TDRD7: variants seen among roughly 807,000 people sequenced by gnomAD.
The protein encoded by TDRD7 is tudor domain-containing protein 7.
TDRD7 carries 47 observed loss-of-function variants against 109.8 expected under a neutral mutation model. The ratio of observed to expected loss-of-function variants is 0.43; its 90% CI spans 0.34 to 0.55. The LOEUF (loss-of-function observed/expected upper bound fraction) is 0.55. Among genes scored for constraint, TDRD7 ranks in the 20% least tolerant of loss-of-function variants. The pLI, the probability that TDRD7 is intolerant of heterozygous loss-of-function variation, is 0.03. For missense variants in TDRD7, 1,164 were observed against 1,319.2 expected (o/e 0.88, Z 1.82); for synonymous variants, 424 against 457.3 (o/e 0.93, Z 0.93).
At chr9:97,466,333 T>C (rs906788824) in intron 8 of TDRD7, among the ~76,000 whole-genome samples, 12 of 152,358 alleles carry the variant, frequency 7.9e-5, no homozygotes, top group Admixed American at 6.5e-4. Flanking sequence ...CTTTCCCATT[T>C]GCAGAGGCAT....
At chr9:97,436,271 C>T (rs189387767) in intron 4 of TDRD7, among the ~76,000 whole-genome samples, 103 of 152,178 alleles carry the variant, frequency 6.8e-4, no homozygotes, top group African/African-American at 2.3e-3. Context: ...TATTGGGCAT[C>T]TGTTTTTTGC....
chr9:97,483,005 G>C lies in TDRD7; in HGVS notation c.2569G>C (p.Ala857Pro), dbSNP rs1296370054. The C allele has an allele frequency of 1.2e-6, 2 of 1,614,210 alleles. No homozygotes were observed. Among genetic ancestry groups the C allele is most frequent in the South Asian group, 2.2e-5 (2 of 91,084 alleles). ...GTTTTTGAGTGCCATATCCAGTGGA[G>C]CTGACTCTCCCAACAGCAAAAATGG... ...DVFLSAISSG[A>P]DSPNSKNGNM... The change falls in exon 15 of 17, where the codon GCT becomes CCT. Residue 857 changes from alanine (A) to proline (P), a missense_variant. Physicochemically the swap from Ala to Pro is conservative, Grantham distance 27 (BLOSUM62 -1). This residue lies in a region of TDRD7 where 233 missense variants were observed against 218.0 expected (regional missense o/e 1.07). Coordinates refer to ENST00000355295, the MANE Select transcript of TDRD7 (RefSeq NM_014290.3).
intron 1 of TDRD7, among the ~76,000 whole-genome samples, chr9:97,427,906 T>C (rs1444941418): frequency 6.6e-6 from 1 of 152,190 alleles, no homozygotes; most frequent in Non-Finnish European, 1.5e-5. Context: ...TTTTTTCCCC[T>C]ATTTAAAATA....
Position 97,460,526 on chromosome 9 carries a change from C to A in TDRD7, c.1204C>A (p.Leu402Ile), listed in dbSNP as rs780574930. ...TTCTGGAAATCCCCAGAAGGCCATT[C>A]TCTATGCTAAACTTCCATTGCCCAC... ...YISGNPQKAI[L>I]YAKLPLPTDK... The change falls in exon 7 of 17, where the codon CTC becomes ATC. Residue 402 changes from leucine to isoleucine, a missense_variant. This residue lies in a region of TDRD7 where 407 missense variants were observed against 394.0 expected (regional missense o/e 1.03). Coordinates refer to ENST00000355295, the MANE Select transcript of TDRD7 (RefSeq NM_014290.3). The A allele has an allele frequency of 3.1e-6, 5 of 1,614,092 alleles. No individual in the cohort carries two copies. In the African/African-American group the frequency reaches 5.3e-5, roughly 17 times the overall value.
chr9:97,493,133 C>G (rs1050506562), intron 16 of TDRD7, among the ~76,000 whole-genome samples: 8 of 152,100 alleles, frequency 5.3e-5, no homozygotes, highest in African/African-American at 1.9e-4. Context: ...TGGGATTACC[C>G]CTTACTCGCT....
chr9:97,418,512 G>A (rs975035062), intron 1 of TDRD7, among the ~76,000 whole-genome samples: 1 of 151,958 alleles, frequency 6.6e-6, no homozygotes, highest in African/African-American at 2.4e-5. Flanking sequence ...GGGGACAAGA[G>A]GAAGACTCTA....
At chr9:97,417,627 A>G (rs1827832020) in intron 1 of TDRD7, among the ~76,000 whole-genome samples, 1 of 152,234 alleles carries the variant, frequency 6.6e-6, no homozygotes, top group South Asian at 2.1e-4. Flanking sequence ...AATGAGATCC[A>G]GGAGAAGGGG....
intron 7 of TDRD7, among the ~76,000 whole-genome samples, chr9:97,463,047 T>A (rs569271814): frequency 6.6e-6 from 1 of 152,372 alleles, no homozygotes; most frequent in African/African-American, 2.4e-5. Context: ...GTTGCAGACC[T>A]TCTGGAGGAC....
chr9:97,489,863 TAC>T (rs780398041), intron 16 of TDRD7, among the ~76,000 whole-genome samples: 5 of 152,196 alleles, frequency 3.3e-5, no homozygotes, highest in East Asian at 1.9e-4. Context: ...GTTTGCTATA[TAC>T]AGTTAGAACT....
At chr9:97,415,213 G>C (rs1827792453) in intron 1 of TDRD7, among the ~76,000 whole-genome samples, 1 of 152,152 alleles carries the variant, frequency 6.6e-6, no homozygotes, top group Non-Finnish European at 1.5e-5. Flanking sequence ...AATGTAGTAA[G>C]GAAGATGAGC....
Position 97,441,800 on chromosome 9 carries a change from T to A in TDRD7, c.780T>A (p.Phe260Leu), listed in dbSNP as rs557863949. The change falls in exon 6 of 17, where the codon TTT (phenylalanine) becomes TTA (leucine). Residue 260 changes from phenylalanine to leucine, a missense_variant. This residue lies in a region of TDRD7 where 407 missense variants were observed against 394.0 expected (regional missense o/e 1.03). Coordinates refer to ENST00000355295, the MANE Select transcript of TDRD7 (RefSeq NM_014290.3). ...TTTGGATATCTAAGCTTCCACATTT[T>A]TACAAAGAGTTATATAAAGAAGACC... ...NGIWISKLPH[F>L]YKELYKEDLN... 6.2e-7 allele frequency: 1 copy of A among 1,613,874 alleles called. No individual in the cohort carries two copies. The highest frequency in any genetic ancestry group is 1.7e-5 in the Admixed American group (1 of 60,014).
intron 6 of TDRD7, among the ~76,000 whole-genome samples, chr9:97,450,512 T>G (rs1265936608): frequency 6.6e-6 from 1 of 152,184 alleles, no homozygotes; most frequent in African/African-American, 2.4e-5. Context: ...TGGCTTGCCT[T>G]GGTCATTTGT....
rs560391751 is a variant in TDRD7, at chr9:97,419,073, C to T, written c.-7+6835C>T. ...TTTGAGTCGTTTACACTGGTCACAC[C>T]CAGATGGATATTTTCCCTGGATGTG... On this transcript the variant is annotated intron_variant, in intron 1 of 16. Coordinates refer to ENST00000355295, the MANE Select transcript of TDRD7 (RefSeq NM_014290.3). 2.0e-5 allele frequency among the ~76,000 whole-genome samples: 3 copies of T among 152,204 alleles called. No homozygotes were observed. The East Asian group carries it at 5.8e-4, about 29-fold the overall frequency.
At chr9:97,427,971 A>G (rs1432450575) in intron 1 of TDRD7, among the ~76,000 whole-genome samples, 2 of 152,290 alleles carry the variant, frequency 1.3e-5, no homozygotes, top group Admixed American at 6.5e-5. Flanking sequence ...ATAATATAGT[A>G]GTCTCAGGGT....
In TDRD7 at chr9:97,428,649, A is replaced by G. The variant is rs778192368; in HGVS notation, c.184A>G (p.Ile62Val). ...YLRSVPAVVR[I>V]ETSRSGEITC... ...GAGAAGTGTGCCAGCAGTGGTCAGGATAGAGACTAGTAGATCTGGAGAGGT... is the reference window on the plus strand; with the variant it reads ...GAGAAGTGTGCCAGCAGTGGTCAGGGTAGAGACTAGTAGATCTGGAGAGGT... The change falls in exon 2 of 17, where the codon ATA (isoleucine) becomes GTA (valine). Residue 62 changes from isoleucine (I) to valine (V), a missense_variant. Coordinates refer to ENST00000355295, the MANE Select transcript of TDRD7 (RefSeq NM_014290.3). 1.2e-6 allele frequency: 2 copies of G among 1,613,896 alleles called. No homozygotes were observed. Among genetic ancestry groups the G allele is most frequent in the South Asian group, 1.1e-5 (1 of 91,090 alleles).
chr9:97,444,323 G>A (rs1025806787), intron 6 of TDRD7, among the ~76,000 whole-genome samples: 1 of 152,204 alleles, frequency 6.6e-6, no homozygotes, highest in African/African-American at 2.4e-5. Context: ...GCTTAGTCAA[G>A]TGGGATGCCA....
intron 14 of TDRD7, among the ~76,000 whole-genome samples, chr9:97,481,583 C>A (rs1304897575): frequency 6.6e-6 from 1 of 152,140 alleles, no homozygotes; most frequent in African/African-American, 2.4e-5. Context: ...AAAATATCTT[C>A]ATGAAGACCT....
At chr9:97,430,803 A>G (rs1208947007) in intron 2 of TDRD7, 130 bp from the exon 3 acceptor site, 1 of 1,068,012 alleles carries the variant, frequency 9.4e-7, no homozygotes, top group East Asian at 2.4e-5. Context: ...AAGGAGCGAG[A>G]CACATGAATA....
intron 1 of TDRD7, among the ~76,000 whole-genome samples, chr9:97,413,251 G>C (rs538837811): frequency 6.6e-6 from 1 of 152,196 alleles, no homozygotes; most frequent in East Asian, 1.9e-4. Flanking sequence ...TCTCGTCCTG[G>C]GCTGCCTTGA....
Sources: allele counts gnomAD v4.1 joint callset (sites outside exome capture counted in the v4.1 genomes callset), GRCh38; gene constraint gnomAD v4.1.1; regional missense constraint gnomAD v4.1.1; transcripts MANE v1.5; gene names NCBI Gene and HGNC (gene_info 2026-07-23, HGNC 2026-07-21).